DAB1: variants seen among roughly 807,000 people sequenced by gnomAD.
The protein encoded by DAB1 is disabled homolog 1.
A neutral mutation model predicts 64.6 loss-of-function variants in DAB1; 15 were observed. The observed-to-expected ratio is 0.23, with a 90% CI of 0.16 to 0.36. The LOEUF (loss-of-function observed/expected upper bound fraction) is 0.36. Ranked by LOEUF, DAB1 falls within the 10% of genes least tolerant of loss-of-function variation. The probability of loss-of-function intolerance (pLI) is 1.00; values close to 1 mark genes in which losing one functional copy is unlikely to be tolerated. For missense variants in DAB1, 596 were observed against 706.7 expected (o/e 0.84, Z 1.78); for synonymous variants, 235 against 251.9 (o/e 0.93, Z 0.64).
rs180823163 is a variant in DAB1 at position 57,593,279 on chromosome 1, C to T, written n.625+56313G>A. ...GCACTGTTTGCCCTTTTGTGGCTGA[C>T]TTATTTCACTTGGCATAATGTCAAG... On this transcript the variant is annotated intron_variant and non_coding_transcript_variant, in intron 7 of 20. Transcript: ENST00000485760. Among the ~76,000 whole-genome samples, 302 of 152,276 alleles carry T rather than the reference C, an allele frequency of 2.0e-3. 2 individuals are homozygous for T. Among genetic ancestry groups the T allele is most frequent in the Middle Eastern group, 6.8e-3 (2 of 294 alleles).
chr1:57,717,284 A>T (rs185153806), intron 6 of DAB1, among the ~76,000 whole-genome samples: 1 of 151,934 alleles, frequency 6.6e-6, no homozygotes, highest in Admixed American at 6.6e-5. Flanking sequence ...AAAGAAAGAA[A>T]GAAGACATAC....
intron 6 of DAB1, among the ~76,000 whole-genome samples, chr1:57,770,976 C>T (rs1649533819): frequency 6.6e-6 from 1 of 152,112 alleles, no homozygotes; most frequent in African/African-American, 2.4e-5. Flanking sequence ...TTTAATCCCC[C>T]TAGCCTATGA....
At chr1:57,642,979 T>C (rs1298069237) in intron 7 of DAB1, among the ~76,000 whole-genome samples, 1 of 152,164 alleles carries the variant, frequency 6.6e-6, no homozygotes, top group African/African-American at 2.4e-5. Flanking sequence ...TTGATGCTTG[T>C]AAGATAGGCA....
At chr1:57,562,218 C>A (rs904758013) in intron 7 of DAB1, among the ~76,000 whole-genome samples, 5 of 152,114 alleles carry the variant, frequency 3.3e-5, no homozygotes, top group African/African-American at 1.2e-4. Flanking sequence ...ACTAAAAATA[C>A]AAAAATTAGC....
intron 5 of DAB1, among the ~76,000 whole-genome samples, chr1:58,042,055 T>A (rs1408918209): frequency 1.3e-5 from 2 of 152,224 alleles, no homozygotes; most frequent in African/African-American, 2.4e-5. Context: ...AGCTCCATTC[T>A]GGGAATAATT....
chr1:57,581,984 T>C (rs1645318812), intron 7 of DAB1, among the ~76,000 whole-genome samples: 1 of 152,158 alleles, frequency 6.6e-6, no homozygotes, highest in South Asian at 2.1e-4. Flanking sequence ...TGGTTCCTGG[T>C]GAGGACTGTC....
intron 7 of DAB1, among the ~76,000 whole-genome samples, chr1:57,535,577 C>T (rs1266221758): frequency 6.6e-6 from 1 of 151,790 alleles, no homozygotes; most frequent in Non-Finnish European, 1.5e-5. Flanking sequence ...ATTCTCCTGC[C>T]TCAGCCTCCT....
At chr1:58,235,876 G>C (rs1320017997) in intron 4 of DAB1, among the ~76,000 whole-genome samples, 1 of 152,208 alleles carries the variant, frequency 6.6e-6, no homozygotes, top group Admixed American at 6.5e-5. Context: ...ACATCCCAAA[G>C]AGAGAGAGGT....
At chr1:58,152,125 A>AT (rs1476001754) in intron 4 of DAB1, among the ~76,000 whole-genome samples, 2 of 152,016 alleles carry the variant, frequency 1.3e-5, no homozygotes, top group African/African-American at 4.8e-5. Context: ...TAAAATTAGT[A>AT]TTTTTTCGAC....
chr1:58,250,313 G>A (rs1159758892), intron 4 of DAB1, among the ~76,000 whole-genome samples: 1 of 152,210 alleles, frequency 6.6e-6, no homozygotes, highest in Non-Finnish European at 1.5e-5. Flanking sequence ...AGGGCGAGCG[G>A]GCTCCGCTTT....
chr1:58,421,782 A>C (rs1644774397), intron 3 of DAB1, among the ~76,000 whole-genome samples: 1 of 152,214 alleles, frequency 6.6e-6, no homozygotes, highest in African/African-American at 2.4e-5. Flanking sequence ...AACTTGCAGA[A>C]GAGAAGTCGC....
At chr1:57,815,515 A>G (rs1327126473) in intron 6 of DAB1, among the ~76,000 whole-genome samples, 1 of 152,202 alleles carries the variant, frequency 6.6e-6, no homozygotes, top group Non-Finnish European at 1.5e-5. Context: ...GTATGTAGGT[A>G]TTAAATTGTG....
At chr1:57,999,900 G>A (rs895563627) in intron 5 of DAB1, among the ~76,000 whole-genome samples, 1 of 150,284 alleles carries the variant, frequency 6.7e-6, no homozygotes, top group African/African-American at 2.5e-5. Context: ...AGAAAGAAAA[G>A]GAGTTAAAGG....
At position 58,480,980 on chromosome 1, in the gene DAB1, T is replaced by C. The variant is rs1341287924; in HGVS notation, n.257+25080A>G. ...AAATTTTAATTCAACTGCCCGTTCT[T>C]TTCTCAACTATGTATGTTAATGGTA... is the stretch of plus-strand genomic sequence containing the variant. On this transcript the variant is annotated intron_variant and non_coding_transcript_variant, in intron 3 of 20. Transcript: ENST00000485760. 6.9e-6 allele frequency: 6 copies of C among 867,098 alleles called. No individual in the cohort carries two copies. The South Asian group carries it at 7.9e-5, about 11-fold the overall frequency. The allele number at this position is 867,098 out of a possible 1,614,324, so 53.7% of individuals were successfully genotyped here. A position where few individuals can be genotyped will look rare whatever the true frequency, so the allele number is the denominator to read the frequency against.
chr1:58,179,922 G>GA (rs1047687140), intron 4 of DAB1, among the ~76,000 whole-genome samples: 1 of 150,552 alleles, frequency 6.6e-6, no homozygotes, highest in Non-Finnish European at 1.5e-5. Flanking sequence ...AAAATATTTG[G>GA]AAAAAAACAA....
At chr1:57,457,695 T>G (rs527483784) in intron 7 of DAB1, among the ~76,000 whole-genome samples, 1 of 152,156 alleles carries the variant, frequency 6.6e-6, no homozygotes, top group African/African-American at 2.4e-5. Flanking sequence ...GAACTGACAC[T>G]GGGAACAATG....
intron 7 of DAB1, among the ~76,000 whole-genome samples, chr1:57,584,939 C>T (rs111340109): frequency 1.4e-5 from 2 of 146,044 alleles, no homozygotes; most frequent in African/African-American, 2.5e-5. Flanking sequence ...TCCTCTATAT[C>T]GAATTCTTTC....
At chr1:57,816,442 C>T (rs1651858747) in intron 6 of DAB1, among the ~76,000 whole-genome samples, 1 of 152,206 alleles carries the variant, frequency 6.6e-6, no homozygotes, top group East Asian at 1.9e-4. Context: ...ATATGAATTA[C>T]AGCACACAGC....
chr1:58,229,054 A>C (rs532563715), intron 4 of DAB1: 12 of 272,540 alleles, frequency 4.4e-5, no homozygotes, highest in Non-Finnish European at 7.9e-5. Flanking sequence ...GCAACCTTGA[A>C]CTCCCAGGCT....
Sources: gnomAD v4.1 joint callset for allele counts (sites outside exome capture counted in the v4.1 genomes callset) on GRCh38, gnomAD v4.1.1 for gene constraint, MANE v1.5 for transcripts, NCBI Gene and HGNC (gene_info 2026-07-23, HGNC 2026-07-21) for gene names.